Variants in PMPCB observed in about 807,000 individuals in gnomAD.
PMPCB encodes the protein mitochondrial-processing peptidase subunit beta.
A neutral mutation model predicts 61.5 loss-of-function variants in PMPCB; 46 were observed. The ratio of observed to expected loss-of-function variants is 0.75; its 90% CI spans 0.59 to 0.96. The LOEUF is 0.96. Ranked by LOEUF, PMPCB falls within the 40% of genes least tolerant of loss-of-function variation. The pLI, the probability that PMPCB is intolerant of heterozygous loss-of-function variation, is 0.00. For synonymous variants in PMPCB, 191 were observed against 201.6 expected, an observed-to-expected ratio of 0.95 and a Z score of 0.44; for missense variants, 590 against 602.4, an observed-to-expected ratio of 0.98 and a Z score of 0.22.
intron 12 of PMPCB, chr7:103,322,159 C>A (rs1334931521): frequency 1.8e-6 from 2 of 1,118,154 alleles, no homozygotes; most frequent in Non-Finnish European, 2.4e-6. Flanking sequence ...AAAATTTAAA[C>A]TTTTAATAAA....
At chr7:103,308,046 C>G (rs1817634718) in intron 7 of PMPCB, among the ~76,000 whole-genome samples, 1 of 152,170 alleles carries the variant, frequency 6.6e-6, no homozygotes, top group Admixed American at 6.5e-5. Context: ...TGGAAGTAAT[C>G]TTTTAAACCC....
downstream of PMPCB, among the ~76,000 whole-genome samples, chr7:103,319,449 CA>C (rs1056364973): frequency 3.3e-5 from 5 of 151,616 alleles, no homozygotes; most frequent in Non-Finnish European, 7.4e-5. Context: ...AACAAAAAAC[CA>C]AAAAACCGAA....
intron 12 of PMPCB, among the ~76,000 whole-genome samples, chr7:103,320,282 G>T (rs1218088846): frequency 6.6e-6 from 1 of 151,764 alleles, no homozygotes; most frequent in South Asian, 2.1e-4. Context: ...TAGAGACGGG[G>T]TTTCACCATT....
chr7:103,316,806 GAA>G (rs762886514), downstream of PMPCB: 6 of 1,601,892 alleles, frequency 3.7e-6, no homozygotes, highest in Admixed American at 8.5e-5. Context: ...GTGAGTTGAA[GAA>G]AAGTTTCATT....
Position 103,304,434 on chromosome 7 carries a change from T to G in PMPCB, c.680T>G (p.Val227Gly). 1 of 1,601,566 alleles carries G rather than the reference T, an allele frequency of 6.2e-7. No homozygotes were observed. ...AGATCTATAAGTCGTAAGGACTTAG[T>G]GGATTATATAACCACACATTATAAG... ...NIKSISRKDL[V>G]DYITTHYKGP... The change falls in exon 6 of 13, where the codon GTG becomes GGG. Residue 227 changes from valine (V) to glycine (G), a missense_variant. Val to Gly is a moderately radical substitution (Grantham distance 109, BLOSUM62 -3). Transcript: ENST00000249269.
chr7:103,326,473 G>C, intron 12 of PMPCB: 1 of 1,467,732 alleles, frequency 6.8e-7, no homozygotes, highest in African/African-American at 1.4e-5. Context: ...GAGGGAAAGA[G>C]CAGAAACCTG....
the PMPCB span, among the ~76,000 whole-genome samples, chr7:103,341,602 T>C: frequency 6.6e-6 from 1 of 152,358 alleles, no homozygotes; most frequent in East Asian, 1.9e-4. Context: ...CAGTATCTCA[T>C]GGCTAGTGCT....
chr7:103,314,048 A>C lies in PMPCB; in HGVS notation c.*1777A>C. The C allele has an allele frequency of 1.0e-6, 1 of 985,388 alleles. No individual in the cohort carries two copies. Among genetic ancestry groups the C allele is most frequent in the Non-Finnish European group, 1.2e-6 (1 of 829,926 alleles). 61.0% of individuals were successfully genotyped at this position (985,388 alleles called of 1,614,324 possible). The stretch of plus-strand genomic sequence containing the variant: ...GAAAAACAAAACAAAACAAAACAAA[A>C]CCACCACCTATTCAAAACAAAGCAG... On this transcript the variant is annotated 3_prime_UTR_variant, in exon 13 of 13. Transcript: ENST00000249269.
the PMPCB span, among the ~76,000 whole-genome samples, chr7:103,346,963 G>A: frequency 3.9e-5 from 6 of 152,180 alleles, no homozygotes; most frequent in African/African-American, 1.4e-4. Context: ...GGACATGGAT[G>A]TACAAATATC....
chr7:103,327,219 T>C, intron 12 of PMPCB: 1 of 493,172 alleles, frequency 2.0e-6, no homozygotes, highest in Middle Eastern at 3.6e-4. Flanking sequence ...ATAATCAACT[T>C]CTTGATTTAA....
At chr7:103,344,460 G>A in the PMPCB span, 2 of 1,397,474 alleles carry the variant, frequency 1.4e-6, no homozygotes, top group African/African-American at 1.4e-5. Flanking sequence ...GGGGCTAGTC[G>A]CCAGGGTCAA....
downstream of PMPCB, among the ~76,000 whole-genome samples, chr7:103,331,663 T>G (rs149171207): frequency 1.3e-5 from 2 of 152,348 alleles, no homozygotes; most frequent in African/African-American, 4.8e-5. Context: ...GACCTCCAGT[T>G]CCATCTATAT....
chr7:103,312,019 T>TACAA, intron 11 of PMPCB, 37 bp from the exon 12 acceptor site: 4 of 1,597,072 alleles, frequency 2.5e-6, no homozygotes, highest in Non-Finnish European at 2.6e-6. Context: ...TTGTTTTTAC[T>TACAA]ACAAACAGCT....
downstream of PMPCB, among the ~76,000 whole-genome samples, chr7:103,332,251 C>T (rs926200140): frequency 4.6e-5 from 7 of 152,248 alleles, no homozygotes; most frequent in East Asian, 1.9e-4. Context: ...ATGATCCGCC[C>T]GCCTTGGCCT....
the PMPCB span, chr7:103,337,693 C>A: frequency 3.4e-6 from 5 of 1,463,368 alleles, no homozygotes; most frequent in East Asian, 1.1e-4. Context: ...CAGCCTGTTC[C>A]TATACAAGAT....
the PMPCB span, chr7:103,337,386 C>A: frequency 5.9e-6 from 1 of 168,200 alleles, no homozygotes; most frequent in South Asian, 1.9e-4. Context: ...AAACCAAAAA[C>A]CAAAAAACAA....
chr7:103,325,431 T>A (rs1818652360), intron 12 of PMPCB, among the ~76,000 whole-genome samples: 3 of 144,606 alleles, frequency 2.1e-5, no homozygotes. Flanking sequence ...AGCAAGATAC[T>A]GTCTCAAAAT....
intron 4 of PMPCB, 28 bp from the exon 5 acceptor site, chr7:103,303,814 C>A (rs377561310): frequency 3.3e-6 from 5 of 1,508,706 alleles, no homozygotes; most frequent in Middle Eastern, 1.7e-4. Context: ...ATTGCTGGCA[C>A]GTTTTCTTAT....
Position 103,314,376 on chromosome 7 carries a change from G to A in PMPCB, c.*2105G>A, listed in dbSNP as rs529297197. ...TAATGGTACAACTGAAGAGGAAGGA[G>A]CCTTCCCATTTCCATAAAAGAGGCA... On this transcript the variant is annotated 3_prime_UTR_variant, in exon 13 of 13. Transcript: ENST00000249269. 3.0e-6 allele frequency: 3 copies of A among 985,356 alleles called. No homozygotes were observed. The South Asian group carries it at 1.4e-4, about 46-fold the overall frequency. 61.0% of individuals were successfully genotyped at this position (985,356 alleles called of 1,614,324 possible). A position where few individuals can be genotyped will look rare whatever the true frequency, so the allele number is the denominator to read the frequency against.
Sources: allele counts gnomAD v4.1 joint callset (sites outside exome capture counted in the v4.1 genomes callset), GRCh38; gene constraint gnomAD v4.1.1; transcripts MANE v1.5; gene names NCBI Gene and HGNC (gene_info 2026-07-23, HGNC 2026-07-21).